MBTPS1: variants seen among roughly 807,000 people sequenced by gnomAD.
MBTPS1 encodes membrane-bound transcription factor site-1 protease.
MBTPS1 carries 94 observed loss-of-function variants against 127.8 expected under a neutral mutation model. The observed-to-expected ratio is 0.74, with a 90% CI of 0.62 to 0.87. The LOEUF is 0.87. Among genes scored for constraint, MBTPS1 ranks in the 40% least tolerant of loss-of-function variants. The pLI is 0.00. For synonymous variants in MBTPS1, 632 were observed against 509.4 expected (o/e 1.24, Z -3.24); for missense variants, 1,636 against 1,353.2 (o/e 1.21, Z -3.28).
At chr16:84,062,802 T>A (rs1313796008) in intron 19 of MBTPS1, among the ~76,000 whole-genome samples, 1 of 152,126 alleles carries the variant, frequency 6.6e-6, no homozygotes, top group Non-Finnish European at 1.5e-5. Flanking sequence ...TGCCTCCCCT[T>A]CACGCCTCGA....
intron 1 of MBTPS1, among the ~76,000 whole-genome samples, chr16:84,113,216 A>G (rs1159487244): frequency 6.6e-6 from 1 of 152,202 alleles, no homozygotes; most frequent in Non-Finnish European, 1.5e-5. Context: ...ATCATTTGTA[A>G]TATCACTTAA....
intron 1 of MBTPS1, among the ~76,000 whole-genome samples, chr16:84,108,559 G>A (rs1220089532): frequency 2.0e-5 from 3 of 152,250 alleles, no homozygotes; most frequent in South Asian, 2.1e-4. Flanking sequence ...GAGCCACTGC[G>A]CCCAGCCCAA....
At chr16:84,062,596 C>G (rs936516207) in intron 19 of MBTPS1, among the ~76,000 whole-genome samples, 20 of 152,162 alleles carry the variant, frequency 1.3e-4, no homozygotes, top group Non-Finnish European at 2.9e-4. Context: ...GTGGTCACAG[C>G]GCATTAGAAG....
At chr16:84,069,844 G>A in intron 14 of MBTPS1, 22 bp downstream of exon 14, 2 of 1,603,672 alleles carry the variant, frequency 1.2e-6, no homozygotes, top group South Asian at 1.1e-5. Context: ...GGGAGGTGAA[G>A]TGCATCCTGT....
chr16:84,090,365 A>C (rs1434749047), intron 8 of MBTPS1, among the ~76,000 whole-genome samples: 1 of 152,090 alleles, frequency 6.6e-6, no homozygotes, highest in African/African-American at 2.4e-5. Flanking sequence ...CTCCTAAATG[A>C]TCCCTCTCAT....
chr16:84,111,201 A>G (rs2086391843), intron 1 of MBTPS1, among the ~76,000 whole-genome samples: 1 of 143,132 alleles, frequency 7.0e-6, no homozygotes, highest in Admixed American at 6.8e-5. Flanking sequence ...TGTCTATAAG[A>G]GAGAGGCAGG....
At chr16:84,092,396 ATTAAGT>A (rs2086122156) in intron 6 of MBTPS1, among the ~76,000 whole-genome samples, 1 of 152,210 alleles carries the variant, frequency 6.6e-6, no homozygotes, top group South Asian at 2.1e-4. Context: ...AAAATATAAA[ATTAAGT>A]TTATGGTAGG....
Position 84,094,974 on chromosome 16 carries a change from G to A in MBTPS1, c.625+628C>T, listed in dbSNP as rs74565460. ...AACTGGCTTACATTTAGAAGTCAAG[G>A]TAAAAATCTTCACATTAGATAAAAC... On this transcript the variant is annotated intron_variant, in intron 4 of 22. Transcript: ENST00000343411. 7.8e-3 allele frequency among the ~76,000 whole-genome samples: 1,188 copies of A among 152,268 alleles called. 21 individuals carry two copies. The highest frequency in any genetic ancestry group is 0.027 in the African/African-American group (1,125 of 41,548).
At chr16:84,103,725 G>A (rs2086287877) in intron 1 of MBTPS1, among the ~76,000 whole-genome samples, 1 of 152,082 alleles carries the variant, frequency 6.6e-6, no homozygotes, top group African/African-American at 2.4e-5. Flanking sequence ...ATAAAGTACC[G>A]TGAGGGGTTA....
intron 1 of MBTPS1, among the ~76,000 whole-genome samples, chr16:84,114,242 T>C (rs1193345646): frequency 6.6e-6 from 1 of 151,944 alleles, no homozygotes; most frequent in East Asian, 2.0e-4. Flanking sequence ...ATTACAGGCG[T>C]GAGCCATCAC....
At chr16:84,066,710 C>T in intron 16 of MBTPS1, 97 bp from the exon 17 acceptor site, 2 of 1,224,674 alleles carry the variant, frequency 1.6e-6, no homozygotes, top group Non-Finnish European at 2.3e-6. Context: ...TCTCCTGCCA[C>T]AATCCAGTCC....
chr16:84,061,759 C>G (rs1281134398), intron 19 of MBTPS1: 7 of 152,220 alleles, frequency 4.6e-5, no homozygotes, highest in African/African-American at 1.7e-4. Context: ...CACAAAGGAT[C>G]CTTTCTGAGA....
intron 10 of MBTPS1, among the ~76,000 whole-genome samples, chr16:84,082,999 C>T (rs2085962962): frequency 6.6e-6 from 1 of 152,168 alleles, no homozygotes; most frequent in Admixed American, 6.5e-5. Context: ...TGAAAGGCTT[C>T]CTTGTTGCTG....
intron 1 of MBTPS1, among the ~76,000 whole-genome samples, chr16:84,105,028 G>T (rs368779409): frequency 1.3e-5 from 2 of 151,974 alleles, no homozygotes; most frequent in African/African-American, 4.8e-5. Context: ...TTTGAACCCA[G>T]GAGGCAGAGG....
Position 84,093,787 on chromosome 16 carries a change from C to A in MBTPS1, c.660G>T (p.Gly220=). The A allele has an allele frequency of 6.2e-7, 1 of 1,613,996 alleles. No individual in the cohort carries two copies. The highest frequency in any genetic ancestry group is 2.2e-5 in the East Asian group (1 of 44,884). The part of the protein sequence containing the change: ...ANVRVAVFDT[G]LSEKHPHFKN... ...TGAAGTGGGGATGCTTCTCGCTCAG[C>A]CCAGTGTCAAAAACAGCAACTCTTA... Residue 220 remains glycine, a synonymous_variant, in exon 5 of 23, where the codon GGG becomes GGT. Coordinates refer to ENST00000343411, the MANE Select transcript of MBTPS1 (RefSeq NM_003791.4).
intron 1 of MBTPS1, among the ~76,000 whole-genome samples, chr16:84,111,058 C>G (rs115128671): frequency 1.1e-3 from 172 of 152,356 alleles, no homozygotes; most frequent in African/African-American, 3.8e-3. Flanking sequence ...CTCACATCCT[C>G]ATTCCTAGAA....
chr16:84,099,500 A>G (rs2086225410), intron 2 of MBTPS1, among the ~76,000 whole-genome samples, 190 bp from the exon 3 acceptor site: 1 of 152,176 alleles, frequency 6.6e-6, no homozygotes, highest in South Asian at 2.1e-4. Flanking sequence ...AATGATCTAT[A>G]TGGGGCTGGG....
intron 8 of MBTPS1, among the ~76,000 whole-genome samples, chr16:84,090,456 GCTCTTTCAGAGAGAGGCAGAAAC>G (rs1298060232): frequency 2.0e-5 from 3 of 152,166 alleles, no homozygotes; most frequent in Non-Finnish European, 4.4e-5. Context: ...GCTCGCACCT[GCTCTTTCAGAGAGAGGCAGAAAC>G]CTCTTCCGTT....
At chr16:84,085,482 G>T (rs1011709933) in intron 9 of MBTPS1, among the ~76,000 whole-genome samples, 1 of 151,878 alleles carries the variant, frequency 6.6e-6, no homozygotes, top group Admixed American at 6.6e-5. Context: ...CTGAGCCCGG[G>T]AGGTCAAGGC....
Sources: gnomAD v4.1 joint callset for allele counts (sites outside exome capture counted in the v4.1 genomes callset) on GRCh38, gnomAD v4.1.1 for gene constraint, MANE v1.5 for transcripts, NCBI Gene and HGNC (gene_info 2026-07-23, HGNC 2026-07-21) for gene names.